Variants in GRM7 observed in about 807,000 individuals in gnomAD.
GRM7 encodes the protein glutamate metabotropic receptor 7, also known as metabotropic glutamate receptor 7.
A neutral mutation model predicts 84.5 loss-of-function variants in GRM7; 35 were observed. The observed-to-expected ratio is 0.41, with a 90% confidence interval of 0.32 to 0.55. The LOEUF (loss-of-function observed/expected upper bound fraction) is 0.55, where lower values mean the gene tolerates loss of function less well. GRM7 is among the 20% of genes least tolerant of loss of function. The pLI is 0.19. For synonymous variants in GRM7, 487 were observed against 455.1 expected (o/e 1.07, Z -0.89); for missense variants, 1,003 against 1,194.6 (o/e 0.84, Z 2.36).
At chr3:7,115,937 T>C (rs1006826578) in intron 1 of GRM7, among the ~76,000 whole-genome samples, 1 of 152,130 alleles carries the variant, frequency 6.6e-6, no homozygotes, top group Non-Finnish European at 1.5e-5. Context: ...GAAAATTACC[T>C]TTTATAGACA....
At chr3:7,670,682 T>C (rs1291661291) in intron 8 of GRM7, among the ~76,000 whole-genome samples, 4 of 144 alleles carry the variant, frequency 0.028, no homozygotes, top group African/African-American at 0.095. Context: ...TACTATACAA[T>C]GGATATTTCA....
chr3:7,409,801 C>T (rs1393273709), intron 4 of GRM7, among the ~76,000 whole-genome samples: 1 of 152,050 alleles, frequency 6.6e-6, no homozygotes, highest in Non-Finnish European at 1.5e-5. Context: ...AGGGTTTCAC[C>T]ATGTTGGCCA....
At chr3:7,393,885 A>G (rs1695102424) in intron 4 of GRM7, among the ~76,000 whole-genome samples, 1 of 152,202 alleles carries the variant, frequency 6.6e-6, no homozygotes, top group Admixed American at 6.5e-5. Context: ...TGGTCCATGT[A>G]GAGACTTCCC....
chr3:7,001,650 G>A (rs1695017266), intron 1 of GRM7, among the ~76,000 whole-genome samples: 1 of 152,096 alleles, frequency 6.6e-6, no homozygotes, highest in Non-Finnish European at 1.5e-5. Flanking sequence ...ACTAAGGAAA[G>A]TGATTTCACT....
chr3:7,593,195 G>A (rs141512886), intron 8 of GRM7, among the ~76,000 whole-genome samples: 362 of 152,222 alleles, frequency 2.4e-3, no homozygotes, highest in African/African-American at 8.1e-3. Flanking sequence ...TTTTGGTATC[G>A]TTAAAGTACA....
intron 1 of GRM7, among the ~76,000 whole-genome samples, chr3:6,990,077 T>C (rs1694577370): frequency 6.6e-6 from 1 of 152,222 alleles, no homozygotes; most frequent in African/African-American, 2.4e-5. Flanking sequence ...TGAAGGGCTG[T>C]GCCTAAGAGG....
At chr3:7,116,321 C>G (rs80278257) in intron 1 of GRM7, among the ~76,000 whole-genome samples, 4 of 152,046 alleles carry the variant, frequency 2.6e-5, no homozygotes, top group Non-Finnish European at 5.9e-5. Flanking sequence ...TATATGGATC[C>G]AAGTTCATTA....
intron 7 of GRM7, among the ~76,000 whole-genome samples, chr3:7,556,696 A>T (rs912370158): frequency 2.0e-5 from 3 of 152,208 alleles, no homozygotes; most frequent in African/African-American, 7.2e-5. Context: ...TCTCTCATGT[A>T]CAGTATGAAA....
intron 2 of GRM7, among the ~76,000 whole-genome samples, chr3:7,166,040 T>A (rs370038093): frequency 9.2e-5 from 14 of 152,338 alleles, no homozygotes; most frequent in African/African-American, 3.4e-4. Flanking sequence ...ACTTATAATA[T>A]GTTCTCCTGA....
chr3:7,214,816 T>G lies in GRM7; in HGVS notation c.736+68148T>G, dbSNP rs553159594. 6.6e-5 allele frequency among the ~76,000 whole-genome samples: 10 copies of G among 152,310 alleles called. No individual in the cohort carries two copies. The South Asian group carries it at 2.1e-3, about 32-fold the overall frequency. On this transcript the variant is annotated intron_variant, in intron 2 of 9. Transcript: ENST00000357716. ...GGGTTTGTTTTTTTTGTTGTTGGCC[T>G]CATTATCTGAGCATGGTTATTCAGA...
At chr3:7,646,035 CT>C (rs112457314) in intron 8 of GRM7, among the ~76,000 whole-genome samples, 10,678 of 152,246 alleles carry the variant, frequency 0.07, 622 homozygotes, top group African/African-American at 0.15. Context: ...TTCTCTTTCT[CT>C]TGGTTTTGAA....
At chr3:7,695,801 G>A (rs1371122586) in intron 9 of GRM7, among the ~76,000 whole-genome samples, 1 of 152,166 alleles carries the variant, frequency 6.6e-6, no homozygotes, top group Non-Finnish European at 1.5e-5. Flanking sequence ...TTAAAACAGT[G>A]ATTGGCATAA....
chr3:7,677,264 A>T, intron 8 of GRM7, among the ~76,000 whole-genome samples: 1 of 54,112 alleles, frequency 1.8e-5, no homozygotes, highest in South Asian at 6.6e-4. Flanking sequence ...TCTGTCTTTA[A>T]AAAAAAAAAA....
chr3:7,573,834 C>A (rs77380322), intron 7 of GRM7, among the ~76,000 whole-genome samples: 1,972 of 152,278 alleles, frequency 0.013, 31 homozygotes, highest in African/African-American at 0.045. Flanking sequence ...TGCCTACTAT[C>A]CACGTAAGAA....
intron 7 of GRM7, among the ~76,000 whole-genome samples, chr3:7,512,896 A>G (rs922295798): frequency 6.6e-6 from 1 of 152,140 alleles, no homozygotes; most frequent in South Asian, 2.1e-4. Context: ...CAGACACCCA[A>G]TGCCAGGTTT....
chr3:7,496,910 G>A (rs928743010), intron 7 of GRM7, among the ~76,000 whole-genome samples: 1 of 151,944 alleles, frequency 6.6e-6, no homozygotes, highest in Admixed American at 6.6e-5. Context: ...GAAGTTTTCT[G>A]TATTATTTTT....
At chr3:7,739,744 A>C (rs1702626762) in intron 9 of GRM7, among the ~76,000 whole-genome samples, 1 of 152,226 alleles carries the variant, frequency 6.6e-6, no homozygotes, top group African/African-American at 2.4e-5. Flanking sequence ...AATAATTTCT[A>C]CATTTAGGGA....
intron 9 of GRM7, among the ~76,000 whole-genome samples, chr3:7,727,228 T>G (rs991746119): frequency 1.3e-5 from 2 of 152,174 alleles, no homozygotes; most frequent in African/African-American, 2.4e-5. Flanking sequence ...TAATCACCCT[T>G]TAATGTTAGG....
rs201156922 is a variant in GRM7, at chr3:7,554,898, AAT to A, written c.1516-23522_1516-23521del. On this transcript the variant is annotated intron_variant, in intron 7 of 9. Coordinates refer to ENST00000357716, the MANE Select transcript of GRM7 (RefSeq NM_000844.4). The stretch of plus-strand genomic sequence containing the variant: ...AAATGCAGTTCAGCTGGATGTCTAA[AAT>A]AGAGTCCCAAGTTGCCTCCTGCCCC... Among the ~76,000 whole-genome samples, 700 of 152,326 alleles carry A rather than the reference AAT, an allele frequency of 4.6e-3. 4 individuals carry two copies. The highest frequency in any genetic ancestry group is 0.016 in the African/African-American group (670 of 41,564).
Sources: gnomAD v4.1 joint callset for allele counts (sites outside exome capture counted in the v4.1 genomes callset) on GRCh38, gnomAD v4.1.1 for gene constraint, MANE v1.5 for transcripts, NCBI Gene and HGNC (gene_info 2026-07-23, HGNC 2026-07-21) for gene names.